Variants in MTRR observed in about 807,000 individuals in gnomAD.
MTRR encodes the protein 5-methyltetrahydrofolate-homocysteine methyltransferase reductase, also known as methionine synthase reductase.
MTRR carries 63 observed loss-of-function variants against 79.2 expected under a neutral mutation model. The ratio of observed to expected loss-of-function variants is 0.80; its 90% CI spans 0.65 to 0.98. The LOEUF (loss-of-function observed/expected upper bound fraction) is 0.98. Among genes scored for constraint, MTRR ranks in the 50% least tolerant of loss-of-function variants. The pLI is 0.00. For missense variants in MTRR, 895 were observed against 839.6 expected (o/e 1.07, Z -0.82); for synonymous variants, 355 against 313.3 (o/e 1.13, Z -1.41).
In MTRR at chr5:7,900,472, T is replaced by A. The variant is rs1378662613; in HGVS notation, c.*414T>A. 1 of 211,594 alleles carries A rather than the reference T, an allele frequency of 4.7e-6. No individual in the cohort carries two copies. Among genetic ancestry groups the A allele is most frequent in the African/African-American group, 2.3e-5 (1 of 42,822 alleles). 13.1% of individuals were successfully genotyped at this position (211,594 alleles called of 1,614,324 possible). On this transcript the variant is annotated 3_prime_UTR_variant, in exon 15 of 15. Coordinates refer to ENST00000440940, the MANE Select transcript of MTRR (RefSeq NM_002454.3). ...CATTTAAAAAAGTATGAAAATGATT[T>A]ATTTTTATATGATGTATACCCATAA...
At chr5:7,898,122 C>T (rs1738843265) in intron 14 of MTRR, among the ~76,000 whole-genome samples, 1 of 152,142 alleles carries the variant, frequency 6.6e-6, no homozygotes, top group Admixed American at 6.5e-5. Flanking sequence ...CATGTCCTTT[C>T]AATAGATTTT....
At chr5:7,856,099 G>A (rs1746239564) in intron 1 of MTRR, among the ~76,000 whole-genome samples, 1 of 152,170 alleles carries the variant, frequency 6.6e-6, no homozygotes, top group Non-Finnish European at 1.5e-5. Context: ...GTGTGCCAAA[G>A]AGTTAACAGT....
chr5:7,891,263 T>G (rs1579776930), intron 9 of MTRR, 109 bp from the exon 10 acceptor site: 1 of 400,580 alleles, frequency 2.5e-6, no homozygotes, highest in Non-Finnish European at 4.6e-6. Flanking sequence ...TAGAACATGA[T>G]TTGAGTATTC....
chr5:7,853,884 G>A (rs1349707396), intron 1 of MTRR, among the ~76,000 whole-genome samples: 1 of 152,108 alleles, frequency 6.6e-6, no homozygotes, highest in African/African-American at 2.4e-5. Context: ...CTGGAGGTGA[G>A]ATGCTTCTTT....
upstream of MTRR, chr5:7,867,711 G>A (rs1051586462): frequency 3.7e-6 from 6 of 1,614,030 alleles, no homozygotes; most frequent in Non-Finnish European, 4.2e-6. Flanking sequence ...GTGTCAGGCA[G>A]GGTTTCCATC....
chr5:7,890,274 T>A, intron 9 of MTRR: 1 of 985,340 alleles, frequency 1.0e-6, no homozygotes, highest in Non-Finnish European at 1.2e-6. Flanking sequence ...TTTTTCCACT[T>A]AGGACCTCCC....
At chr5:7,872,466 A>C (rs1043711379) in intron 2 of MTRR, among the ~76,000 whole-genome samples, 2 of 152,236 alleles carry the variant, frequency 1.3e-5, no homozygotes, top group African/African-American at 4.8e-5. Context: ...CTTACATGAG[A>C]ATAAGAATAA....
rs374499886 is a variant in MTRR at position 7,897,040 on chromosome 5, T to A, written c.1770-25T>A. ...CTTTTTCAGCTTGACAACCTTTTAGTGATCCATTATATATTATATTTCAGA... is the reference window on the plus strand; with the variant it reads ...CTTTTTCAGCTTGACAACCTTTTAGAGATCCATTATATATTATATTTCAGA... On this transcript the variant is annotated intron_variant, in intron 13 of 14. Transcript: ENST00000440940. 7.4e-6 allele frequency: 12 copies of A among 1,613,070 alleles called. No homozygotes were observed. In the African/African-American group the frequency reaches 1.2e-4, roughly 16 times the overall value.
chr5:7,879,556 T>C (rs1735224909), intron 5 of MTRR, among the ~76,000 whole-genome samples: 1 of 151,784 alleles, frequency 6.6e-6, no homozygotes, highest in Admixed American at 6.6e-5. Flanking sequence ...AGTTAAAAGA[T>C]TTAACAAATC....
At chr5:7,877,850 C>T in intron 4 of MTRR, 94 bp from the exon 5 acceptor site, 1 of 1,559,616 alleles carries the variant, frequency 6.4e-7, no homozygotes, top group Non-Finnish European at 8.7e-7. Context: ...CAAGTGCATA[C>T]TTTGCCAAAT....
At chr5:7,860,987 C>T (rs1387205428) in intron 1 of MTRR, among the ~76,000 whole-genome samples, 4 of 152,206 alleles carry the variant, frequency 2.6e-5, no homozygotes, top group Non-Finnish European at 5.9e-5. Flanking sequence ...CTTGGGTTCC[C>T]AAGCCATTTC....
At chr5:7,873,877 G>GCAGAA (rs1213706070) in intron 3 of MTRR, among the ~76,000 whole-genome samples, 1 of 152,092 alleles carries the variant, frequency 6.6e-6, no homozygotes, top group African/African-American at 2.4e-5. Context: ...ATTTAGAAAA[G>GCAGAA]CAGAACAAAA....
intron 2 of MTRR, among the ~76,000 whole-genome samples, 183 bp from the exon 3 acceptor site, chr5:7,873,190 A>G (rs1390266146): frequency 6.6e-6 from 1 of 152,222 alleles, no homozygotes; most frequent in African/African-American, 2.4e-5. Flanking sequence ...CTTGAATGAC[A>G]TCCTGCATTA....
chr5:7,870,932 C>G lies in MTRR; in HGVS notation c.129+9C>G, dbSNP rs527869420. On this transcript the variant is annotated intron_variant, in intron 2 of 14. Transcript: ENST00000440940. ...TTAGTGAATCCGATAAGGTTAGAGC[C>G]GTTACAGTGGATTTTACCGTTTTGT... 2 of 1,613,986 alleles carry G rather than the reference C, an allele frequency of 1.2e-6. No homozygotes were observed. The highest frequency in any genetic ancestry group is 1.3e-5 in the African/African-American group (1 of 74,930).
chr5:7,891,391 A>G lies in MTRR; in HGVS notation c.1347A>G (p.Gln449=), dbSNP rs747568149. 1.9e-6 allele frequency: 3 copies of G among 1,609,900 alleles called. No individual in the cohort carries two copies. The highest frequency in any genetic ancestry group is 1.1e-5 in the South Asian group (1 of 90,928). The change falls in exon 10 of 15, where the codon CAA becomes CAG. Residue 449 remains glutamine (Q), a synonymous_variant. Transcript: ENST00000440940. ...SLLLEHLPKL[Q]PRPYSCASSS... is the part of the protein sequence containing the mutation. ...TTCTAGAACATCTTCCTAAACTTCA[A>G]CCCAGACCATATTCGTGTGCAAGGT...
chr5:7,899,652 C>T (rs1739153598), intron 14 of MTRR, among the ~76,000 whole-genome samples: 1 of 152,150 alleles, frequency 6.6e-6, no homozygotes, highest in Admixed American at 6.5e-5. Context: ...CTAGGAAATC[C>T]TTGGCCTACT....
intron 10 of MTRR, 109 bp from the exon 11 acceptor site, chr5:7,892,618 G>T: frequency 1.6e-6 from 2 of 1,229,488 alleles, no homozygotes; most frequent in South Asian, 1.2e-5. Context: ...TTGGAAGGTA[G>T]ATTAGAGCCT....
At chr5:7,863,419 C>G (rs567987948) in intron 2 of MTRR, 1 of 161,058 alleles carries the variant, frequency 6.2e-6, no homozygotes, top group Non-Finnish European at 1.3e-5. Flanking sequence ...ATCCAAAATC[C>G]AAAATGCTCC....
intron 6 of MTRR, among the ~76,000 whole-genome samples, chr5:7,883,589 T>A (rs1735944908): frequency 1.3e-5 from 2 of 152,082 alleles, no homozygotes; most frequent in South Asian, 4.1e-4. Context: ...TGGTTATGTA[T>A]GCTGAGTTGT....
Sources: allele counts gnomAD v4.1 joint callset (sites outside exome capture counted in the v4.1 genomes callset), GRCh38; gene constraint gnomAD v4.1.1; transcripts MANE v1.5; gene names NCBI Gene and HGNC (gene_info 2026-07-23, HGNC 2026-07-21).